The following CYRIA variants were observed in gnomAD, a reference collection of about 807,000 sequenced individuals.
CYRIA encodes CYFIP-related Rac1 interactor A.
CYRIA carries 15 observed loss-of-function variants against 43.9 expected under a neutral mutation model. The ratio of observed to expected loss-of-function variants is 0.34; its 90% CI spans 0.23 to 0.53. The LOEUF is 0.53. Among genes scored for constraint, CYRIA ranks in the 20% least tolerant of loss-of-function variants. The pLI, the probability that CYRIA is intolerant of heterozygous loss-of-function variation, is 0.94. For missense variants in CYRIA, 236 were observed against 394.2 expected, an observed-to-expected ratio of 0.60 and a Z score of 3.40; for synonymous variants, 117 against 136.0, an observed-to-expected ratio of 0.86 and a Z score of 0.97.
At chr2:16,663,890 C>A (rs1233386278) in intron 1 of CYRIA, among the ~76,000 whole-genome samples, 2 of 152,088 alleles carry the variant, frequency 1.3e-5, no homozygotes, top group Non-Finnish European at 2.9e-5. Context: ...TCGGACAGGA[C>A]CAGGGAGCCC....
intron 6 of CYRIA, 74 bp downstream of exon 6, chr2:16,561,931 C>T (rs1666750432): frequency 1.4e-6 from 2 of 1,440,322 alleles, no homozygotes; most frequent in Non-Finnish European, 1.9e-6. Context: ...CACCCCACAG[C>T]ACTAACAGAA....
Position 16,650,133 on chromosome 2 carries a change from T to A in CYRIA, c.-167+15647A>T, listed in dbSNP as rs929472875. Reference sequence around the variant, plus strand: ...CCTGACACGTGGCACAGCAAGACAGTCGTCGCCATCAGCCACTGAGATTTG... The same window carrying A: ...CCTGACACGTGGCACAGCAAGACAGACGTCGCCATCAGCCACTGAGATTTG... On this transcript the variant is annotated intron_variant, in intron 1 of 11. Transcript: ENST00000381323. This position sits in a 1 kb window ranked among gnomAD's most constrained non-coding sequence, Gnocchi z 4.1. 6.6e-6 allele frequency among the ~76,000 whole-genome samples: 1 copy of A among 152,156 alleles called. No homozygotes were observed. The highest frequency in any genetic ancestry group is 1.5e-5 in the Non-Finnish European group (1 of 68,024).
chr2:16,664,560 C>G (rs899484855), intron 1 of CYRIA, among the ~76,000 whole-genome samples: 10 of 152,088 alleles, frequency 6.6e-5, no homozygotes, highest in Admixed American at 2.0e-4. Context: ...CAGTGAAAGC[C>G]GACAATGATC....
chr2:16,573,171 C>A (rs146755344), intron 3 of CYRIA, among the ~76,000 whole-genome samples: 76 of 152,302 alleles, frequency 5.0e-4, no homozygotes, highest in African/African-American at 1.8e-3. Flanking sequence ...ACATTTCATG[C>A]CCAGCCCTAG....
chr2:16,659,399 T>G lies in CYRIA; in HGVS notation c.-167+6381A>C, dbSNP rs142803281. Among the ~76,000 whole-genome samples the G allele has an allele frequency of 2.6e-5, 4 of 152,328 alleles. No individual in the cohort carries two copies. In the East Asian group the frequency reaches 7.7e-4, roughly 29 times the overall value. ...GCCCATCCATAAAATGGGGATAATA[T>G]CTGTTTCAAACGTTCTTCAGAAGAT... is the stretch of plus-strand genomic sequence containing the variant. On this transcript the variant is annotated intron_variant, in intron 1 of 11. Transcript: ENST00000381323.
In CYRIA at chr2:16,633,767, A is replaced by G. The variant is rs188921772; in HGVS notation, c.-166-9748T>C. Among the ~76,000 whole-genome samples the G allele has an allele frequency of 4.9e-3, 751 of 152,066 alleles. 36 individuals carry two copies. The highest frequency in any genetic ancestry group is 0.046 in the Admixed American group (696 of 15,258). Reference sequence around the variant, plus strand: ...GCTGTGGCCCTGTCCTCTGCAGAAAAAAGTTTTCAAAACACACATTTGATG... The same window carrying G: ...GCTGTGGCCCTGTCCTCTGCAGAAAGAAGTTTTCAAAACACACATTTGATG... On this transcript the variant is annotated intron_variant, in intron 1 of 11. Transcript: ENST00000381323.
intron 2 of CYRIA, among the ~76,000 whole-genome samples, chr2:16,590,919 A>AG (rs1478706974): frequency 6.6e-6 from 1 of 152,080 alleles, no homozygotes; most frequent in Non-Finnish European, 1.5e-5. Context: ...CTTCTGGTTT[A>AG]GGGGGATCTG....
At chr2:16,567,271 G>A (rs1666968250) in intron 3 of CYRIA, among the ~76,000 whole-genome samples, 1 of 152,084 alleles carries the variant, frequency 6.6e-6, no homozygotes, top group African/African-American at 2.4e-5. Context: ...GGGCATGGTG[G>A]TGCATGCCTG....
intron 2 of CYRIA, among the ~76,000 whole-genome samples, chr2:16,606,020 C>T (rs1044703150): frequency 1.3e-5 from 2 of 152,234 alleles, no homozygotes; most frequent in East Asian, 3.9e-4. Flanking sequence ...TTCTCATTCT[C>T]CCTGGTGTGA....
intron 2 of CYRIA, among the ~76,000 whole-genome samples, chr2:16,607,299 C>G (rs960985790): frequency 2.0e-5 from 1 of 49,906 alleles, no homozygotes; most frequent in African/African-American, 8.4e-5. Flanking sequence ...GGAGGTGGGC[C>G]TGTCAGGCAG....
intron 10 of CYRIA, among the ~76,000 whole-genome samples, chr2:16,556,530 T>C (rs377262983): frequency 6.6e-6 from 1 of 152,176 alleles, no homozygotes; most frequent in East Asian, 1.9e-4. Context: ...GAGTTCCACT[T>C]AGGGTGATTT....
intron 2 of CYRIA, among the ~76,000 whole-genome samples, chr2:16,619,278 C>A (rs112535831): frequency 1.2e-4 from 18 of 152,248 alleles, no homozygotes; most frequent in African/African-American, 3.9e-4. Flanking sequence ...ATAATGTACA[C>A]ATATATACAT....
rs772166251 is a variant in CYRIA, at chr2:16,564,108, G to C, written c.193-14C>G. 1 of 1,600,406 alleles carries C rather than the reference G, an allele frequency of 6.2e-7. No individual in the cohort carries two copies. The highest frequency in any genetic ancestry group is 1.1e-5 in the South Asian group (1 of 90,450). On this transcript the variant is annotated splice_polypyrimidine_tract_variant and intron_variant, in intron 4 of 11. Coordinates refer to ENST00000381323, the MANE Select transcript of CYRIA (RefSeq NM_030797.4). ...ATTTTGAATTGCCTGCAAAAACACA[G>C]TAGAGCTGACTGTTTAAAAAGAAGT...
intron 3 of CYRIA, among the ~76,000 whole-genome samples, chr2:16,579,081 A>C (rs1667454842): frequency 6.6e-6 from 1 of 152,158 alleles, no homozygotes; most frequent in Non-Finnish European, 1.5e-5. Flanking sequence ...AGAAACAATG[A>C]AAGCCAGAAG....
intron 1 of CYRIA, among the ~76,000 whole-genome samples, chr2:16,635,901 T>C (rs1558437171): frequency 6.6e-6 from 1 of 152,180 alleles, no homozygotes. Flanking sequence ...TTTTCTTCTC[T>C]GTACCACTTG....
At chr2:16,622,629 C>T (rs1383718340) in intron 2 of CYRIA, among the ~76,000 whole-genome samples, 1 of 152,188 alleles carries the variant, frequency 6.6e-6, no homozygotes, top group Non-Finnish European at 1.5e-5. Flanking sequence ...AGTGTACTAT[C>T]CCTACCTTAC....
chr2:16,610,444 T>G (rs779973624), intron 2 of CYRIA, among the ~76,000 whole-genome samples: 1 of 152,244 alleles, frequency 6.6e-6, no homozygotes, highest in South Asian at 2.1e-4. Flanking sequence ...TGGAAACTCA[T>G]AGCAAATTGT....
chr2:16,660,765 T>A lies in CYRIA; in HGVS notation c.-167+5015A>T, dbSNP rs1274001086. On this transcript the variant is annotated intron_variant, in intron 1 of 11. Transcript: ENST00000381323. ...ACAGAATTTTTATTAGAAAGTGAAG[T>A]CATTAAATAAGCAGACACCAGACTC... is the stretch of plus-strand genomic sequence containing the variant. Among the ~76,000 whole-genome samples, 37 of 152,186 alleles carry A rather than the reference T, an allele frequency of 2.4e-4. 1 individual carries two copies. The highest frequency in any genetic ancestry group is 2.4e-3 in the Admixed American group (36 of 15,278).
At chr2:16,587,393 G>A (rs991641894) in intron 3 of CYRIA, among the ~76,000 whole-genome samples, 4 of 151,920 alleles carry the variant, frequency 2.6e-5, no homozygotes, top group South Asian at 2.1e-4. Flanking sequence ...GTGGGCTTAC[G>A]ACCTTCAAAA....
Sources: allele counts gnomAD v4.1 joint callset (sites outside exome capture counted in the v4.1 genomes callset), GRCh38; gene constraint gnomAD v4.1.1; non-coding constraint Gnocchi (gnomAD v3.1); transcripts MANE v1.5; gene names NCBI Gene and HGNC (gene_info 2026-07-23, HGNC 2026-07-21).